The following CDKL4 variants were observed in gnomAD, a reference collection of about 807,000 sequenced individuals.
The protein encoded by CDKL4 is cyclin dependent kinase like 4.
Under a neutral mutation model 42.0 loss-of-function variants are expected in CDKL4, and 44 were observed. That is an observed-to-expected ratio of 1.05 (90% CI 0.82 to 1.35). The LOEUF is 1.35. CDKL4 is among the 40% of genes most tolerant of loss of function. The pLI is 0.00. For synonymous variants in CDKL4, 120 were observed against 121.6 expected, an observed-to-expected ratio of 0.99 and a Z score of 0.09; for missense variants, 393 against 369.9, an observed-to-expected ratio of 1.06 and a Z score of -0.51.
At chr2:39,232,479 T>C (rs72921045) in intron 1 of CDKL4, among the ~76,000 whole-genome samples, 6,265 of 152,274 alleles carry the variant, frequency 0.041, 441 homozygotes, top group African/African-American at 0.14. Context: ...CATCTAAAAA[T>C]TGGAACATTC....
In CDKL4 at chr2:39,213,388, A is replaced by G; in HGVS notation, c.363+12T>C. 6.6e-7 allele frequency: 1 copy of G among 1,506,814 alleles called. No individual in the cohort carries two copies. Among genetic ancestry groups the G allele is most frequent in the Non-Finnish European group, 9.2e-7 (1 of 1,087,210 alleles). The allele number at this position is 1,506,814 out of a possible 1,614,324, so 93.3% of individuals were successfully genotyped here. A position where few individuals can be genotyped will look rare whatever the true frequency, so the allele number is the denominator to read the frequency against. On this transcript the variant is annotated intron_variant, in intron 4 of 9. Coordinates refer to ENST00000451199, the Ensembl canonical transcript of CDKL4. ...GAAGAAATGAATAAATACATTAGAA[A>G]ATGTTACTTACGTTATGTATATGAC...
intron 5 of CDKL4, among the ~76,000 whole-genome samples, chr2:39,200,524 T>C (rs909997155): frequency 6.6e-6 from 1 of 151,990 alleles, no homozygotes; most frequent in Non-Finnish European, 1.5e-5. Context: ...AAGAGCCCAC[T>C]AGCCAGAGCA....
intron 7 of CDKL4, among the ~76,000 whole-genome samples, chr2:39,185,668 C>T (rs943039561): frequency 5.9e-5 from 9 of 151,294 alleles, no homozygotes; most frequent in South Asian, 2.1e-4. Flanking sequence ...TCACCATGTT[C>T]GCTAGGATGG....
the CDKL4 span, among the ~76,000 whole-genome samples, chr2:39,170,494 T>A: frequency 5.7e-4 from 87 of 152,192 alleles, no homozygotes; most frequent in African/African-American, 2.0e-3. Context: ...CTTGCTCTTG[T>A]CACCCAGGCT....
intron 7 of CDKL4, among the ~76,000 whole-genome samples, chr2:39,185,193 TATATATACACATACGTATATATAC>T (rs1161618098): frequency 4.5e-5 from 4 of 88,470 alleles, no homozygotes; most frequent in African/African-American, 1.4e-4. Flanking sequence ...TGTATATACA[TATATATACACATACGTATATATAC>T]ATATATACAC....
At chr2:39,218,692 T>C (rs1485028823) in intron 3 of CDKL4, among the ~76,000 whole-genome samples, 1 of 152,180 alleles carries the variant, frequency 6.6e-6, no homozygotes, top group Non-Finnish European at 1.5e-5. Flanking sequence ...TTCTCTCTCC[T>C]TGAGCTGGGA....
intron 5 of CDKL4, among the ~76,000 whole-genome samples, chr2:39,204,034 C>T (rs1013733744): frequency 7.2e-5 from 11 of 152,194 alleles, no homozygotes; most frequent in Admixed American, 7.2e-4. Context: ...CCTTTCCCTT[C>T]AGTTCCTCCT....
intron 5 of CDKL4, among the ~76,000 whole-genome samples, chr2:39,193,451 C>G (rs191903845): frequency 6.6e-6 from 1 of 151,642 alleles, no homozygotes; most frequent in Non-Finnish European, 1.5e-5. Context: ...TCTCGGCTCA[C>G]CGCAACCTCC....
At chr2:39,217,922 G>A (rs1163841925) in intron 3 of CDKL4, among the ~76,000 whole-genome samples, 2 of 151,820 alleles carry the variant, frequency 1.3e-5, no homozygotes, top group African/African-American at 4.8e-5. Flanking sequence ...TAGTAAAGAT[G>A]GGGTTTCTTC....
intron 1 of CDKL4, among the ~76,000 whole-genome samples, chr2:39,231,618 C>T (rs1679096549): frequency 6.6e-6 from 1 of 152,192 alleles, no homozygotes; most frequent in Non-Finnish European, 1.5e-5. Context: ...AGATTATGTT[C>T]TGAAAGCCCT....
intron 2 of CDKL4, among the ~76,000 whole-genome samples, chr2:39,227,238 A>C (rs993887551): frequency 6.6e-6 from 1 of 152,206 alleles, no homozygotes; most frequent in Non-Finnish European, 1.5e-5. Flanking sequence ...AGACAAATCA[A>C]CTTTCCAAAC....
At chr2:39,180,786 G>C (rs1180667640) in intron 8 of CDKL4, among the ~76,000 whole-genome samples, 1 of 151,398 alleles carries the variant, frequency 6.6e-6, no homozygotes, top group African/African-American at 2.4e-5. Flanking sequence ...CACCTCCCAG[G>C]TTTGAGCGAT....
intron 4 of CDKL4, among the ~76,000 whole-genome samples, chr2:39,208,399 G>A (rs1447513716): frequency 2.0e-5 from 3 of 151,110 alleles, no homozygotes; most frequent in Non-Finnish European, 4.4e-5. Flanking sequence ...GGAGTGCAGT[G>A]GCGTGATCTC....
At chr2:39,244,421 C>T (rs765555772), upstream of CDKL4, among the ~76,000 whole-genome samples, 7 of 152,248 alleles carry the variant, frequency 4.6e-5, no homozygotes, top group Non-Finnish European at 1.0e-4. Flanking sequence ...GCACCCGGGC[C>T]AGCGGCTGCA....
chr2:39,211,866 A>C (rs1677604820), intron 4 of CDKL4, among the ~76,000 whole-genome samples: 1 of 152,140 alleles, frequency 6.6e-6, no homozygotes, highest in Non-Finnish European at 1.5e-5. Context: ...ACACCTCATA[A>C]TGGGGATGCG....
intron 7 of CDKL4, among the ~76,000 whole-genome samples, chr2:39,186,566 T>C (rs1372482859): frequency 6.6e-6 from 1 of 152,226 alleles, no homozygotes; most frequent in Non-Finnish European, 1.5e-5. Context: ...TAGTCATTGA[T>C]ATGTTTTCAA....
At chr2:39,205,559 G>T (rs1343775232) in intron 4 of CDKL4, among the ~76,000 whole-genome samples, 2 of 151,826 alleles carry the variant, frequency 1.3e-5, no homozygotes, top group Non-Finnish European at 2.9e-5. Flanking sequence ...AGGAGATAGA[G>T]ACCATCCTGG....
downstream of CDKL4, among the ~76,000 whole-genome samples, chr2:39,172,321 A>G (rs565750810): frequency 1.5e-5 from 2 of 136,322 alleles, no homozygotes; most frequent in South Asian, 4.4e-4. Context: ...CCCCGCTCCG[A>G]AAAAAAAAAA....
chr2:39,202,112 G>A (rs1260598312), intron 5 of CDKL4, among the ~76,000 whole-genome samples: 3 of 152,060 alleles, frequency 2.0e-5, no homozygotes, highest in African/African-American at 7.2e-5. Flanking sequence ...GGTTCCTGAA[G>A]TCACAGCTAC....
Sources: gnomAD v4.1 joint callset for allele counts (sites outside exome capture counted in the v4.1 genomes callset) on GRCh38, gnomAD v4.1.1 for gene constraint, MANE v1.5 for transcripts, NCBI Gene and HGNC (gene_info 2026-07-23, HGNC 2026-07-21) for gene names.